The following CCDC158 variants were observed in gnomAD, a reference collection of about 807,000 sequenced individuals.
CCDC158 encodes the protein coiled-coil domain-containing protein 158.
In CCDC158, 116 loss-of-function variants were observed where a neutral mutation model predicts 138.6. That is an observed-to-expected ratio of 0.84 (90% CI 0.72 to 0.98). CCDC158 has a LOEUF of 0.98. Among genes scored for constraint, CCDC158 ranks in the 50% least tolerant of loss-of-function variants. CCDC158 has a pLI of 0.00. For synonymous variants in CCDC158, 436 were observed against 442.4 expected (o/e 0.99, Z 0.18); for missense variants, 1,265 against 1,306.1 (o/e 0.97, Z 0.48).
intron 11 of CCDC158, 152 bp from the exon 12 acceptor site, chr4:76,367,928 T>G (rs1724856385): frequency 1.3e-6 from 1 of 743,490 alleles, no homozygotes. Flanking sequence ...GGGGTCTCAC[T>G]GTGTTCCCTA....
At chr4:76,358,265 T>A (rs1469643549) in intron 13 of CCDC158, among the ~76,000 whole-genome samples, 1 of 152,274 alleles carries the variant, frequency 6.6e-6, no homozygotes, top group East Asian at 1.9e-4. Flanking sequence ...CTCCAACCAC[T>A]AAGTGCTGTT....
chr4:76,325,767 T>A, intron 23 of CCDC158, 90 bp downstream of exon 23: 1 of 1,128,588 alleles, frequency 8.9e-7, no homozygotes, highest in South Asian at 1.6e-5. Flanking sequence ...AAGAGCAGCA[T>A]GCAAAACCTT....
intron 4 of CCDC158, among the ~76,000 whole-genome samples, chr4:76,388,981 C>T (rs542266123): frequency 2.0e-5 from 3 of 152,098 alleles, no homozygotes; most frequent in South Asian, 4.2e-4. Context: ...AAAGCCTTCC[C>T]GAGAAGAACA....
intron 18 of CCDC158, among the ~76,000 whole-genome samples, chr4:76,336,692 A>G (rs902182021): frequency 2.6e-5 from 4 of 152,202 alleles, no homozygotes; most frequent in African/African-American, 9.7e-5. Context: ...ATAACCTTGT[A>G]AAAATGATAC....
At chr4:76,332,836 G>A (rs1721122227) in intron 19 of CCDC158, among the ~76,000 whole-genome samples, 2 of 152,306 alleles carry the variant, frequency 1.3e-5, no homozygotes, top group East Asian at 1.9e-4. Flanking sequence ...CTGGAGTGGT[G>A]GAAGCTGATC....
In CCDC158 at chr4:76,365,261, C is replaced by T. The variant is rs79963336; in HGVS notation, c.1830+2033G>A. On this transcript the variant is annotated intron_variant, in intron 12 of 24. Transcript: ENST00000682701. ...ACAGAAACCAGGAGAGAAACCATAC[C>T]TTCTACAGCTATGATTCCCCCACCT... is the stretch of plus-strand genomic sequence containing the variant. Among the ~76,000 whole-genome samples the T allele has an allele frequency of 4.0e-3, 608 of 152,268 alleles. 3 individuals carry two copies. The highest frequency in any genetic ancestry group is 0.014 in the African/African-American group (577 of 41,528).
chr4:76,392,191 A>T (rs1300379470), intron 4 of CCDC158, among the ~76,000 whole-genome samples: 1 of 152,058 alleles, frequency 6.6e-6, no homozygotes, highest in Non-Finnish European at 1.5e-5. Context: ...ACAGGTCAGT[A>T]TCTCTGATGA....
intron 2 of CCDC158, among the ~76,000 whole-genome samples, chr4:76,405,187 C>A (rs1391247367): frequency 3.3e-5 from 5 of 152,278 alleles, no homozygotes; most frequent in Admixed American, 3.3e-4. Flanking sequence ...GAAGATTAGA[C>A]TGGCACCAGG....
At chr4:76,347,005 G>A (rs967195516) in intron 18 of CCDC158, among the ~76,000 whole-genome samples, 8 of 152,056 alleles carry the variant, frequency 5.3e-5, no homozygotes, top group Non-Finnish European at 8.8e-5. Context: ...TTAGAATGGC[G>A]ATCTTAAAAA....
At chr4:76,314,901 G>C (rs1719225535) in intron 24 of CCDC158, among the ~76,000 whole-genome samples, 1 of 152,166 alleles carries the variant, frequency 6.6e-6, no homozygotes, top group Admixed American at 6.5e-5. Flanking sequence ...TGGTGAATGG[G>C]AAATGCTACA....
At position 76,369,427 on chromosome 4, in the gene CCDC158, T is replaced by G; in HGVS notation, c.1346A>C (p.Gln449Pro). 6.2e-7 allele frequency: 1 copy of G among 1,613,978 alleles called. No individual in the cohort carries two copies. Among genetic ancestry groups the G allele is most frequent in the South Asian group, 1.1e-5 (1 of 91,076 alleles). ...KSECQGQMER[Q>P]MAAIQGKNES... ...GGCACAGCCTGTGCAGGCACTGACCTGCCGCTCCATCTGGCCCTGACACTC... is the reference window on the plus strand; with the variant it reads ...GGCACAGCCTGTGCAGGCACTGACCGGCCGCTCCATCTGGCCCTGACACTC... Residue 449 changes from glutamine (Q) to proline (P), a missense_variant and splice_region_variant, in exon 11 of 25, where the codon CAG becomes CCG. Gln to Pro is a moderately conservative substitution (Grantham distance 76, BLOSUM62 -1). Coordinates refer to ENST00000682701, the MANE Select transcript of CCDC158 (RefSeq NM_001394954.1).
intron 18 of CCDC158, among the ~76,000 whole-genome samples, chr4:76,346,355 G>C (rs1722544141): frequency 6.6e-6 from 1 of 152,150 alleles, no homozygotes; most frequent in Non-Finnish European, 1.5e-5. Flanking sequence ...AACACCAAAA[G>C]CAATGACAAC....
Position 76,350,312 on chromosome 4 carries a change from T to C in CCDC158, c.2664+684A>G, listed in dbSNP as rs952980327. 2.0e-5 allele frequency among the ~76,000 whole-genome samples: 3 copies of C among 152,234 alleles called. No individual in the cohort carries two copies. The South Asian group carries it at 6.2e-4, about 31-fold the overall frequency. ...ATTTAAACAGTACATAATTTTCATT[T>C]AAATGGTACAGGTGAAACAACAGAT... On this transcript the variant is annotated intron_variant, in intron 18 of 24. Transcript: ENST00000682701.
At chr4:76,324,244 A>G (rs1720316496) in intron 23 of CCDC158, among the ~76,000 whole-genome samples, 1 of 151,108 alleles carries the variant, frequency 6.6e-6, no homozygotes, top group Middle Eastern at 3.2e-3. Flanking sequence ...CTGGAGTGCA[A>G]TCATGGGATC....
intron 24 of CCDC158, among the ~76,000 whole-genome samples, chr4:76,320,232 C>A (rs1040401001): frequency 2.6e-5 from 4 of 152,062 alleles, no homozygotes; most frequent in Non-Finnish European, 5.9e-5. Context: ...ATATACCTAA[C>A]CAAGGAGATG....
chr4:76,381,685 A>AT (rs779939000), intron 8 of CCDC158, among the ~76,000 whole-genome samples: 90 of 151,860 alleles, frequency 5.9e-4, no homozygotes, highest in Non-Finnish European at 1.2e-3. Context: ...GGATAATTAT[A>AT]TTTTTTTTAT....
intron 18 of CCDC158, among the ~76,000 whole-genome samples, chr4:76,337,853 A>G (rs1418463674): frequency 6.6e-6 from 1 of 152,186 alleles, no homozygotes; most frequent in Non-Finnish European, 1.5e-5. Flanking sequence ...AGAGCCCAAC[A>G]AAGGATCCTG....
At chr4:76,404,765 C>T (rs1351750776) in intron 2 of CCDC158, among the ~76,000 whole-genome samples, 2 of 152,018 alleles carry the variant, frequency 1.3e-5, no homozygotes, top group East Asian at 3.9e-4. Context: ...TGGCTCATGC[C>T]TGTAATCCCA....
intron 13 of CCDC158, among the ~76,000 whole-genome samples, chr4:76,358,787 T>C (rs552572512): frequency 4.6e-5 from 7 of 152,308 alleles, no homozygotes; most frequent in Non-Finnish European, 8.8e-5. Flanking sequence ...CCCATTTCTA[T>C]CTAGGTTTAT....
Sources: gnomAD v4.1 joint callset for allele counts (sites outside exome capture counted in the v4.1 genomes callset) on GRCh38, gnomAD v4.1.1 for gene constraint, MANE v1.5 for transcripts, NCBI Gene and HGNC (gene_info 2026-07-23, HGNC 2026-07-21) for gene names.